Variants in TRANK1 observed in about 807,000 individuals in gnomAD.
The protein encoded by TRANK1 is TPR and ankyrin repeat-containing protein 1.
TRANK1 carries 198 observed loss-of-function variants against 266.0 expected under a neutral mutation model. That is an observed-to-expected ratio of 0.74 (90% CI 0.66 to 0.84). The LOEUF is 0.84. Ranked by LOEUF, TRANK1 falls within the 40% of genes least tolerant of loss-of-function variation. The probability of loss-of-function intolerance (pLI) is 0.00; values close to 1 mark genes in which losing one functional copy is unlikely to be tolerated. For synonymous variants in TRANK1, 1,396 were observed against 1,384.1 expected, an observed-to-expected ratio of 1.01 and a Z score of -0.19; for missense variants, 3,326 against 3,634.6, an observed-to-expected ratio of 0.92 and a Z score of 2.18.
chr3:36,834,865 T>A lies in TRANK1; in HGVS notation c.5560A>T (p.Lys1854Ter). The change falls in exon 21 of 24, where the codon AAA (lysine) becomes TAA (stop). Residue 1854 changes from lysine (K) to a stop codon, truncating the protein, a stop_gained. Coordinates refer to ENST00000645898, the MANE Select transcript of TRANK1 (RefSeq NM_001329998.2). LOFTEE classifies it high-confidence loss of function. ...TGCTCAAAGCATCTGAAAGCGTCTT[T>A]GTAGCACTGGCTTCGCTTATAGAAA... The part of the protein sequence containing the change: ...AYFYKRSQCY[K>*]DAFRCFEQIQ... 6.2e-7 allele frequency: 1 copy of A among 1,613,736 alleles called. No individual in the cohort carries two copies. The highest frequency in any genetic ancestry group is 8.5e-7 in the Non-Finnish European group (1 of 1,179,798).
chr3:36,916,100 AG>A (rs1464352006), intron 1 of TRANK1, among the ~76,000 whole-genome samples: 1 of 152,244 alleles, frequency 6.6e-6, no homozygotes, highest in African/African-American at 2.4e-5. Context: ...ACAATACAGA[AG>A]GCACTAGCCA....
chr3:36,914,336 T>G (rs1269370682), intron 1 of TRANK1, among the ~76,000 whole-genome samples: 1 of 151,968 alleles, frequency 6.6e-6, no homozygotes, highest in Non-Finnish European at 1.5e-5. Flanking sequence ...GTTTTCACCA[T>G]GTTGGCCAGG....
chr3:36,936,655 A>C (rs1369301535), intron 1 of TRANK1, among the ~76,000 whole-genome samples: 2 of 152,224 alleles, frequency 1.3e-5, no homozygotes, highest in African/African-American at 2.4e-5. Flanking sequence ...GTGTAAACTC[A>C]GGCTAAAAAC....
At chr3:36,861,423 T>C (rs1230296841) in intron 10 of TRANK1, among the ~76,000 whole-genome samples, 2 of 152,166 alleles carry the variant, frequency 1.3e-5, no homozygotes, top group Non-Finnish European at 2.9e-5. Flanking sequence ...CGCAGAATAC[T>C]TGAATTCAGA....
chr3:36,873,520 T>C (rs2079339903), intron 9 of TRANK1, among the ~76,000 whole-genome samples: 1 of 152,250 alleles, frequency 6.6e-6, no homozygotes, highest in African/African-American at 2.4e-5. Context: ...GAGTAACATT[T>C]ACATAATTAT....
intron 8 of TRANK1, among the ~76,000 whole-genome samples, chr3:36,881,453 A>G (rs1390904760): frequency 6.6e-6 from 1 of 151,994 alleles, no homozygotes; most frequent in Non-Finnish European, 1.5e-5. Context: ...CGTCTCAAAA[A>G]AAAAACAAAA....
chr3:36,906,699 A>C (rs914903607), intron 2 of TRANK1, among the ~76,000 whole-genome samples: 1 of 152,172 alleles, frequency 6.6e-6, no homozygotes, highest in Non-Finnish European at 1.5e-5. Flanking sequence ...AAGGAGCCAC[A>C]AGCCAAAGAA....
At chr3:36,847,419 A>C in intron 15 of TRANK1, 73 bp from the exon 16 acceptor site, 1 of 1,539,884 alleles carries the variant, frequency 6.5e-7, no homozygotes, top group South Asian at 1.2e-5. Context: ...CCTGAGCTTC[A>C]TGGAAAACTA....
chr3:36,912,627 A>C (rs1222410019), intron 1 of TRANK1, among the ~76,000 whole-genome samples: 1 of 152,190 alleles, frequency 6.6e-6, no homozygotes, highest in Admixed American at 6.5e-5. Context: ...AAAAATGCAA[A>C]TGCACTGAGT....
intron 8 of TRANK1, among the ~76,000 whole-genome samples, chr3:36,883,710 G>A (rs2079563791): frequency 1.3e-5 from 2 of 152,226 alleles, no homozygotes; most frequent in Non-Finnish European, 2.9e-5. Context: ...AGACGGAAGT[G>A]ACATTTCTTT....
Position 36,832,313 on chromosome 3 carries a change from C to A in TRANK1, c.7270G>T (p.Glu2424Ter), listed in dbSNP as rs763352609. 1 of 1,614,004 alleles carries A rather than the reference C, an allele frequency of 6.2e-7. No homozygotes were observed. The highest frequency in any genetic ancestry group is 8.5e-7 in the Non-Finnish European group (1 of 1,179,892). The change falls in exon 22 of 24, where the codon GAA becomes TAA. Residue 2424 changes from glutamate (E) to a stop codon, truncating the protein, a stop_gained. Transcript: ENST00000645898. LOFTEE classifies it high-confidence loss of function. ...IDQFYVYRNP[E>*]DYKRLFFRFM... The stretch of plus-strand genomic sequence containing the variant: ...CGGAAAAAGAGCCTCTTGTAGTCTT[C>A]TGGGTTCCTGTACACGTAGAATTGA...
At chr3:36,843,950 A>G (rs934449941) in intron 17 of TRANK1, among the ~76,000 whole-genome samples, 3 of 152,108 alleles carry the variant, frequency 2.0e-5, no homozygotes, top group African/African-American at 4.8e-5. Context: ...AACCCCATCC[A>G]TATTATCTCA....
intron 1 of TRANK1, among the ~76,000 whole-genome samples, chr3:36,933,270 G>C (rs2080384290): frequency 6.6e-6 from 1 of 152,220 alleles, no homozygotes; most frequent in African/African-American, 2.4e-5. Flanking sequence ...GGGTACAGGC[G>C]CACTTGCTTC....
rs535899638 is a variant in TRANK1 at position 36,855,846 on chromosome 3, T to G, written c.3876A>C (p.Glu1292Asp). Reference protein sequence around the residue: ...ESTIPSWQEDEEEAEVDGDYS... With the variant: ...ESTIPSWQEDDEEAEVDGDYS... ...AGTCCCCATCCACCTCAGCCTCCTC[T>G]TCATCCTCTTGCCAACTAGGAATGG... Residue 1292 changes from glutamate (E) to aspartate (D), a missense_variant, in exon 13 of 24, where the codon GAA becomes GAC. By Grantham distance (45) the Glu-to-Asp change is conservative (BLOSUM62 2). Coordinates refer to ENST00000645898, the MANE Select transcript of TRANK1 (RefSeq NM_001329998.2). The G allele has an allele frequency of 2.2e-5, 36 of 1,613,620 alleles. No homozygotes were observed. In the African/African-American group the frequency reaches 4.5e-4, roughly 20 times the overall value.
Position 36,856,639 on chromosome 3 carries a change from T to A in TRANK1, c.3083A>T (p.Lys1028Met), listed in dbSNP as rs1469537691. ...CATGTTGGTGCTGAAGCTGTGGAAC[T>A]TCATGATGTTATATTCTGTCTCCAC... ...SAVETEYNIMKFHSFSTNMAF... is the reference protein window; with the variant it reads ...SAVETEYNIMMFHSFSTNMAF... Residue 1028 changes from lysine to methionine, a missense_variant, in exon 13 of 24, where the codon AAG (lysine) becomes ATG (methionine). Coordinates refer to ENST00000645898, the MANE Select transcript of TRANK1 (RefSeq NM_001329998.2). The A allele has an allele frequency of 2.5e-6, 4 of 1,613,918 alleles. No homozygotes were observed. The highest frequency in any genetic ancestry group is 3.3e-5 in the Admixed American group (2 of 60,006).
chr3:36,936,518 G>A (rs2080427831), intron 1 of TRANK1, among the ~76,000 whole-genome samples: 1 of 151,340 alleles, frequency 6.6e-6, no homozygotes, highest in Non-Finnish European at 1.5e-5. Context: ...GGAAATTGAA[G>A]GGAATCTAAG....
Position 36,928,450 on chromosome 3 carries a change from G to A in TRANK1, c.23+16337C>T, listed in dbSNP as rs373678999. Among the ~76,000 whole-genome samples the A allele has an allele frequency of 8.5e-4, 130 of 152,238 alleles. 1 individual carries two copies. In the South Asian group the frequency reaches 0.027, roughly 31 times the overall value. ...CTCACTCTTGTCCCTTCACCAACCAGTACTTCAAAAGATGCTTTTCATTAA... is the reference window on the plus strand; with the variant it reads ...CTCACTCTTGTCCCTTCACCAACCAATACTTCAAAAGATGCTTTTCATTAA... On this transcript the variant is annotated intron_variant, in intron 1 of 23. Transcript: ENST00000645898.
chr3:36,926,394 A>C (rs769807573), intron 1 of TRANK1, among the ~76,000 whole-genome samples: 8 of 152,216 alleles, frequency 5.3e-5, no homozygotes, highest in Non-Finnish European at 8.8e-5. Flanking sequence ...CCCATGATCT[A>C]CAGAAGAAAT....
chr3:36,919,379 C>T (rs915123188), intron 1 of TRANK1, among the ~76,000 whole-genome samples: 3 of 152,188 alleles, frequency 2.0e-5, no homozygotes, highest in African/African-American at 7.2e-5. Flanking sequence ...TCTTGAACCC[C>T]ATAATAACAT....
Sources: allele counts gnomAD v4.1 joint callset (sites outside exome capture counted in the v4.1 genomes callset), GRCh38; gene constraint gnomAD v4.1.1; transcripts MANE v1.5; gene names NCBI Gene and HGNC (gene_info 2026-07-23, HGNC 2026-07-21).